ADAMTS17: variants seen among roughly 807,000 people sequenced by gnomAD.
ADAMTS17 encodes ADAM metallopeptidase with thrombospondin type 1 motif 17.
Under a neutral mutation model 141.5 loss-of-function variants are expected in ADAMTS17, and 113 were observed. The ratio of observed to expected loss-of-function variants is 0.80; its 90% CI spans 0.69 to 0.93. The LOEUF (loss-of-function observed/expected upper bound fraction) is 0.93. Among genes scored for constraint, ADAMTS17 ranks in the 40% least tolerant of loss-of-function variants. ADAMTS17 has a pLI of 0.00. For synonymous variants in ADAMTS17, 768 were observed against 630.6 expected, an observed-to-expected ratio of 1.22 and a Z score of -3.27; for missense variants, 1,659 against 1,517.9, an observed-to-expected ratio of 1.09 and a Z score of -1.54.
intron 7 of ADAMTS17, among the ~76,000 whole-genome samples, chr15:100,208,997 C>T (rs745311510): frequency 6.6e-6 from 1 of 151,256 alleles, no homozygotes; most frequent in African/African-American, 2.4e-5. Flanking sequence ...TCCAATGGTA[C>T]GTTCTTGAGA....
At chr15:100,320,691 G>A (rs922506907) in intron 3 of ADAMTS17, among the ~76,000 whole-genome samples, 1 of 152,006 alleles carries the variant, frequency 6.6e-6, no homozygotes, top group Non-Finnish European at 1.5e-5. Flanking sequence ...AAATTAGCCG[G>A]GTGTGGTGGC....
intron 3 of ADAMTS17, among the ~76,000 whole-genome samples, chr15:100,303,539 C>G (rs902479608): frequency 7.2e-5 from 11 of 152,144 alleles, no homozygotes; most frequent in Non-Finnish European, 1.5e-4. Context: ...TCGCCTAAAC[C>G]TAGACCACAA....
At chr15:100,158,858 C>A (rs2039560221) in intron 8 of ADAMTS17, among the ~76,000 whole-genome samples, 1 of 152,128 alleles carries the variant, frequency 6.6e-6, no homozygotes, top group Admixed American at 6.5e-5. Context: ...GGCCAGCAGG[C>A]ACGTGAAAAG....
intron 2 of ADAMTS17, among the ~76,000 whole-genome samples, chr15:100,340,286 T>A (rs2046324757): frequency 2.6e-5 from 4 of 152,170 alleles, no homozygotes; most frequent in Admixed American, 2.6e-4. Flanking sequence ...TGGGAGCACC[T>A]GTTCCGGGTG....
intron 18 of ADAMTS17, among the ~76,000 whole-genome samples, 192 bp downstream of exon 18, chr15:100,048,665 T>C (rs1024562682): frequency 1.3e-4 from 20 of 149,492 alleles, no homozygotes; most frequent in East Asian, 4.0e-4. Flanking sequence ...CCAGTGAAGG[T>C]TGTATTTCCA....
At chr15:100,268,103 A>T (rs1448457419) in intron 4 of ADAMTS17, among the ~76,000 whole-genome samples, 1 of 148,956 alleles carries the variant, frequency 6.7e-6, no homozygotes. Context: ...CTTTAGCTGT[A>T]TCCATGTTGC....
chr15:100,102,933 G>A (rs1253818152), intron 14 of ADAMTS17, among the ~76,000 whole-genome samples: 1 of 152,138 alleles, frequency 6.6e-6, no homozygotes, highest in East Asian at 1.9e-4. Flanking sequence ...CACAGCTCTC[G>A]GTTTGGGCTG....
At chr15:100,221,914 G>A (rs922304156) in intron 7 of ADAMTS17, among the ~76,000 whole-genome samples, 9 of 152,174 alleles carry the variant, frequency 5.9e-5, no homozygotes, top group African/African-American at 1.4e-4. Context: ...CACCTCTGCC[G>A]GAGGCCGCCT....
intron 13 of ADAMTS17, among the ~76,000 whole-genome samples, chr15:100,116,064 C>T (rs369048494): frequency 4.1e-5 from 6 of 146,728 alleles, no homozygotes; most frequent in African/African-American, 7.8e-5. Context: ...CATGACATAC[C>T]GATAAACGGG....
Position 99,971,849 on chromosome 15 carries a change from CAG to C in ADAMTS17, c.*2551_*2552del, listed in dbSNP as rs1489793199. On this transcript the variant is annotated 3_prime_UTR_variant, in exon 22 of 22. Transcript: ENST00000268070. ...CGAGGGACAGTACAGGGTATTAACACAGAAACATCACTGCTGTGATCAGCATC... is the reference window on the plus strand; with the variant it reads ...CGAGGGACAGTACAGGGTATTAACACAAACATCACTGCTGTGATCAGCATC... The C allele has an allele frequency of 6.6e-6, 1 of 152,228 alleles. No individual in the cohort carries two copies. Among genetic ancestry groups the C allele is most frequent in the African/African-American group, 2.4e-5 (1 of 41,458 alleles). The allele number at this position is 152,228 out of a possible 1,614,324, so 9.4% of individuals were successfully genotyped here.
chr15:100,142,716 C>T (rs1459538676), intron 10 of ADAMTS17, among the ~76,000 whole-genome samples: 1 of 152,134 alleles, frequency 6.6e-6, no homozygotes, highest in Non-Finnish European at 1.5e-5. Context: ...TTCTCAGGCA[C>T]TGTGTGATCT....
At chr15:100,099,217 G>C (rs759476484) in intron 14 of ADAMTS17, among the ~76,000 whole-genome samples, 9 of 151,664 alleles carry the variant, frequency 5.9e-5, no homozygotes, top group Non-Finnish European at 1.2e-4. Context: ...CACTCTACTT[G>C]GTGTTATTTT....
chr15:100,127,421 G>T (rs183486435), intron 12 of ADAMTS17, among the ~76,000 whole-genome samples: 1 of 152,190 alleles, frequency 6.6e-6, no homozygotes, highest in Non-Finnish European at 1.5e-5. Context: ...CGGGAGCCAC[G>T]AAACGGATTC....
rs185538622 is a variant in ADAMTS17 at position 100,312,146 on chromosome 15, C to T, written c.616+18743G>A. ...CGAAAATGTGAACTTACATGGTAAA[C>T]GGGGCTTTGCAAATGTGATCCAGCT... is the stretch of plus-strand genomic sequence containing the variant. On this transcript the variant is annotated intron_variant, in intron 3 of 21. Coordinates refer to ENST00000268070, the MANE Select transcript of ADAMTS17 (RefSeq NM_139057.4). Among the ~76,000 whole-genome samples the T allele has an allele frequency of 1.5e-3, 234 of 152,316 alleles. 1 individual carries two copies. The highest frequency in any genetic ancestry group is 7.5e-3 in the East Asian group (39 of 5,190).
intron 2 of ADAMTS17, among the ~76,000 whole-genome samples, chr15:100,338,369 C>T (rs1471224706): frequency 6.6e-6 from 1 of 152,192 alleles, no homozygotes; most frequent in East Asian, 1.9e-4. Flanking sequence ...AACGTGTGTG[C>T]CCCCAGCCCA....
At chr15:100,175,788 A>G (rs1205431554) in intron 8 of ADAMTS17, among the ~76,000 whole-genome samples, 3 of 151,630 alleles carry the variant, frequency 2.0e-5, no homozygotes, top group Non-Finnish European at 4.4e-5. Context: ...TGCCCCCGAG[A>G]GTGCAACGGA....
At chr15:100,160,166 A>G (rs2039625152) in intron 8 of ADAMTS17, among the ~76,000 whole-genome samples, 1 of 152,112 alleles carries the variant, frequency 6.6e-6, no homozygotes, top group Non-Finnish European at 1.5e-5. Flanking sequence ...AAGTCCCTTA[A>G]GAAAACAACT....
At chr15:99,994,710 G>A (rs893675632) in intron 19 of ADAMTS17, among the ~76,000 whole-genome samples, 1 of 152,168 alleles carries the variant, frequency 6.6e-6, no homozygotes, top group African/African-American at 2.4e-5. Flanking sequence ...GGGATTACAG[G>A]CGCCCATCAC....
chr15:100,098,691 A>G (rs1245262210), intron 14 of ADAMTS17, among the ~76,000 whole-genome samples: 2 of 152,232 alleles, frequency 1.3e-5, no homozygotes, highest in East Asian at 3.9e-4. Flanking sequence ...AAGGGCTAAG[A>G]ATAAAGAGTA....
Sources: allele counts gnomAD v4.1 joint callset (sites outside exome capture counted in the v4.1 genomes callset), GRCh38; gene constraint gnomAD v4.1.1; transcripts MANE v1.5; gene names NCBI Gene and HGNC (gene_info 2026-07-23, HGNC 2026-07-21).